Variants in ARK2C observed in about 807,000 individuals in gnomAD.
ARK2C encodes E3 ubiquitin-protein ligase ARK2C.
At chr18:46,420,870 TG>T in the ARK2C span, among the ~76,000 whole-genome samples, 1 of 151,950 alleles carries the variant, frequency 6.6e-6, no homozygotes, top group Non-Finnish European at 1.5e-5. Context: ...AGAAAGTTAT[TG>T]GGGTTTGGAG....
At chr18:46,438,367 A>G in the ARK2C span, among the ~76,000 whole-genome samples, 1 of 152,232 alleles carries the variant, frequency 6.6e-6, no homozygotes, top group African/African-American at 2.4e-5. Context: ...CAGATCCATC[A>G]TGAGAGCCCA....
the ARK2C span, among the ~76,000 whole-genome samples, chr18:46,421,836 G>A: frequency 6.6e-6 from 1 of 152,174 alleles, no homozygotes; most frequent in Non-Finnish European, 1.5e-5. Flanking sequence ...CAGGAATTCA[G>A]TTCCTTGGAA....
the ARK2C span, among the ~76,000 whole-genome samples, chr18:46,381,722 A>G: frequency 1.3e-5 from 2 of 152,102 alleles, no homozygotes; most frequent in Non-Finnish European, 1.5e-5. Flanking sequence ...TCCCAGCTAC[A>G]CTGGAGGTTG....
chr18:46,457,526 T>G, the ARK2C span: 1 of 153,206 alleles, frequency 6.5e-6, no homozygotes, highest in East Asian at 1.9e-4. Context: ...TAGGCGGGGC[T>G]CCCCAGGCCC....
the ARK2C span, among the ~76,000 whole-genome samples, chr18:46,342,980 T>C: frequency 6.6e-6 from 1 of 152,368 alleles, no homozygotes; most frequent in South Asian, 2.1e-4. Context: ...GTCACAGACA[T>C]TTTCACATTC....
chr18:46,403,028 C>T, the ARK2C span, among the ~76,000 whole-genome samples: 10 of 142,088 alleles, frequency 7.0e-5, no homozygotes, highest in South Asian at 2.2e-4. Flanking sequence ...TCTCAGAACA[C>T]GAGACTCACT....
chr18:46,390,747 T>G, the ARK2C span, among the ~76,000 whole-genome samples: 24 of 152,160 alleles, frequency 1.6e-4, no homozygotes, highest in Non-Finnish European at 2.6e-4. Flanking sequence ...AATCCTATAC[T>G]GGGCTGGGCT....
the ARK2C span, among the ~76,000 whole-genome samples, chr18:46,431,140 G>A: frequency 1.3e-5 from 2 of 152,190 alleles, no homozygotes; most frequent in African/African-American, 2.4e-5. Context: ...GAGAGCATGC[G>A]GTGTTTGGTT....
the ARK2C span, among the ~76,000 whole-genome samples, chr18:46,365,819 C>A: frequency 6.6e-6 from 1 of 152,138 alleles, no homozygotes; most frequent in East Asian, 1.9e-4. Context: ...AGTAGGGAAG[C>A]TCCAGCTTTG....
chr18:46,427,681 A>G, the ARK2C span, among the ~76,000 whole-genome samples: 2 of 152,222 alleles, frequency 1.3e-5, no homozygotes, highest in South Asian at 4.1e-4. Context: ...CACTCCCCAC[A>G]ACAATCTGTC....
chr18:46,365,194 G>A, the ARK2C span, among the ~76,000 whole-genome samples: 3 of 152,210 alleles, frequency 2.0e-5, no homozygotes, highest in East Asian at 5.8e-4. Context: ...TGGCTGAAGG[G>A]GAGGGGGTAT....
At chr18:46,376,482 T>C in the ARK2C span, among the ~76,000 whole-genome samples, 1 of 152,082 alleles carries the variant, frequency 6.6e-6, no homozygotes, top group Non-Finnish European at 1.5e-5. Context: ...TGTGGAGATA[T>C]TTTTGTCAGG....
At chr18:46,335,476 T>C in the ARK2C span, 1 of 152,264 alleles carries the variant, frequency 6.6e-6, no homozygotes, top group Admixed American at 6.5e-5. Flanking sequence ...TTTTTCTTTT[T>C]TGTATTCTGC....
the ARK2C span, among the ~76,000 whole-genome samples, chr18:46,453,910 T>C: frequency 5.9e-5 from 9 of 151,754 alleles, no homozygotes; most frequent in South Asian, 1.9e-3. Context: ...CCCAGGAGTT[T>C]GAGACCAGCC....
the ARK2C span, among the ~76,000 whole-genome samples, chr18:46,362,579 C>T: frequency 6.6e-6 from 1 of 152,224 alleles, no homozygotes; most frequent in African/African-American, 2.4e-5. Context: ...GATAGTGGCA[C>T]AGCCAAGCCT....
At chr18:46,356,871 A>G in the ARK2C span, among the ~76,000 whole-genome samples, 1 of 152,216 alleles carries the variant, frequency 6.6e-6, no homozygotes, top group African/African-American at 2.4e-5. Context: ...GGGAAAACGG[A>G]AACTCCAGAG....
At chr18:46,414,865 T>G in the ARK2C span, among the ~76,000 whole-genome samples, 4 of 152,324 alleles carry the variant, frequency 2.6e-5, no homozygotes, top group African/African-American at 9.6e-5. Context: ...GGAAACATTT[T>G]CATTTTGTGT....
the ARK2C span, chr18:46,450,628 C>G: frequency 8.4e-7 from 1 of 1,191,980 alleles, no homozygotes; most frequent in Non-Finnish European, 1.2e-6. Flanking sequence ...TGTCTTCCAG[C>G]TCCCAATCCA....
At chr18:46,366,045 C>A in the ARK2C span, among the ~76,000 whole-genome samples, 1 of 152,026 alleles carries the variant, frequency 6.6e-6, no homozygotes, top group Non-Finnish European at 1.5e-5. Flanking sequence ...GTAATCCCAG[C>A]ACTTTGGGAG....
Sources: allele counts gnomAD v4.1 joint callset (sites outside exome capture counted in the v4.1 genomes callset), GRCh38; gene constraint gnomAD v4.1.1; transcripts MANE v1.5; gene names NCBI Gene and HGNC (gene_info 2026-07-23, HGNC 2026-07-21).